Variants in NRXN1 observed in about 807,000 individuals in gnomAD.
The protein encoded by NRXN1 is neurexin 1.
In NRXN1, 39 loss-of-function variants were observed where a neutral mutation model predicts 150.9. The observed-to-expected ratio is 0.26, with a 90% CI of 0.20 to 0.34. The LOEUF is 0.34. Ranked by LOEUF, NRXN1 falls within the 10% of genes least tolerant of loss-of-function variation. The pLI, the probability that NRXN1 is intolerant of heterozygous loss-of-function variation, is 1.00. For missense variants in NRXN1, 1,815 were observed against 1,949.9 expected, an observed-to-expected ratio of 0.93 and a Z score of 1.30; for synonymous variants, 924 against 757.0, an observed-to-expected ratio of 1.22 and a Z score of -3.62.
At position 49,950,631 on chromosome 2, in the gene NRXN1, A is replaced by T. The variant is rs183869920; in HGVS notation, c.4129-6840T>A. Among the ~76,000 whole-genome samples, 23 of 152,130 alleles carry T rather than the reference A, an allele frequency of 1.5e-4. No individual in the cohort carries two copies. In the East Asian group the frequency reaches 4.2e-3, roughly 28 times the overall value. ...CTTTAATACAAATAACAATGAAGTA[A>T]ATTCAAATAGCTTATTTTTCTCGGA... On this transcript the variant is annotated intron_variant, in intron 21 of 22. Coordinates refer to ENST00000401669, the MANE Select transcript of NRXN1 (RefSeq NM_001330078.2).
At chr2:50,426,818 C>T (rs2084535192) in intron 17 of NRXN1, among the ~76,000 whole-genome samples, 1 of 152,098 alleles carries the variant, frequency 6.6e-6, no homozygotes, top group Non-Finnish European at 1.5e-5. Context: ...TTTGTCATGC[C>T]ACCATCATAA....
intron 13 of NRXN1, among the ~76,000 whole-genome samples, chr2:50,500,197 G>T (rs1449698429): frequency 6.6e-6 from 1 of 152,006 alleles, no homozygotes; most frequent in Non-Finnish European, 1.5e-5. Flanking sequence ...AAAGAGGAAA[G>T]ACCAGTTAAT....
At chr2:50,595,710 A>G (rs1334010115) in intron 8 of NRXN1, among the ~76,000 whole-genome samples, 1 of 152,182 alleles carries the variant, frequency 6.6e-6, no homozygotes, top group Non-Finnish European at 1.5e-5. Flanking sequence ...TAATTCTGCC[A>G]TAGAAAGGGA....
At chr2:49,936,627 C>T (rs1671073106) in intron 22 of NRXN1, among the ~76,000 whole-genome samples, 1 of 151,946 alleles carries the variant, frequency 6.6e-6, no homozygotes, top group Non-Finnish European at 1.5e-5. Context: ...TTCCAAAGTC[C>T]TTGCCATAAC....
At chr2:50,128,310 T>C (rs1320644239) in intron 18 of NRXN1, among the ~76,000 whole-genome samples, 2 of 152,190 alleles carry the variant, frequency 1.3e-5, no homozygotes, top group East Asian at 3.9e-4. Context: ...CTTTCGTCCC[T>C]TCGAACCAAC....
chr2:50,962,042 T>C (rs1193782302), intron 2 of NRXN1, among the ~76,000 whole-genome samples: 2 of 151,702 alleles, frequency 1.3e-5, no homozygotes, highest in African/African-American at 2.4e-5. Context: ...CAGAATAAAA[T>C]TGCATTTTAC....
chr2:50,830,373 G>A (rs930982509), intron 5 of NRXN1, among the ~76,000 whole-genome samples: 13 of 151,766 alleles, frequency 8.6e-5, no homozygotes, highest in African/African-American at 1.7e-4. Context: ...TCCACATGCC[G>A]ACATGACACA....
At chr2:50,016,453 C>T (rs1686622419) in intron 21 of NRXN1, 1 of 152,128 alleles carries the variant, frequency 6.6e-6, no homozygotes, top group Admixed American at 6.6e-5. Context: ...AAGGAACTGT[C>T]CGAGACTGGG....
chr2:50,313,639 C>T (rs138425222), intron 17 of NRXN1, among the ~76,000 whole-genome samples: 3 of 152,176 alleles, frequency 2.0e-5, no homozygotes, highest in Non-Finnish European at 2.9e-5. Context: ...AACACCATAC[C>T]GCTACTTCTC....
intron 8 of NRXN1, among the ~76,000 whole-genome samples, chr2:50,579,658 A>C (rs868012569): frequency 6.6e-6 from 1 of 152,148 alleles, no homozygotes; most frequent in Non-Finnish European, 1.5e-5. Context: ...TACAAAAATA[A>C]AAAAATATAT....
chr2:50,818,220 T>C (rs751578125), intron 5 of NRXN1, among the ~76,000 whole-genome samples: 3 of 148,338 alleles, frequency 2.0e-5, no homozygotes, highest in Non-Finnish European at 3.0e-5. Flanking sequence ...GAAAAAAAGA[T>C]ATTAATAGTT....
chr2:50,809,008 G>T (rs1394465300), intron 5 of NRXN1, among the ~76,000 whole-genome samples: 1 of 152,050 alleles, frequency 6.6e-6, no homozygotes, highest in Non-Finnish European at 1.5e-5. Flanking sequence ...AATTCATAAT[G>T]TCTCTGGCCT....
intron 21 of NRXN1, among the ~76,000 whole-genome samples, chr2:50,015,696 A>T (rs6755887): frequency 6.6e-6 from 1 of 151,764 alleles, no homozygotes; most frequent in South Asian, 2.1e-4. Flanking sequence ...GGGTTTGCCT[A>T]TTACCTTAAA....
chr2:50,910,320 C>T (rs1357184724), intron 5 of NRXN1, among the ~76,000 whole-genome samples: 2 of 151,952 alleles, frequency 1.3e-5, no homozygotes, highest in East Asian at 3.9e-4. Context: ...ATTCACTATT[C>T]ACTAGAAATA....
chr2:50,609,510 C>G (rs1231861182), intron 8 of NRXN1, among the ~76,000 whole-genome samples: 2 of 152,064 alleles, frequency 1.3e-5, no homozygotes, highest in African/African-American at 4.8e-5. Context: ...GCACTACTCT[C>G]AGAGCCTCAA....
At chr2:50,482,502 A>T (rs909528404) in intron 15 of NRXN1, among the ~76,000 whole-genome samples, 5 of 151,848 alleles carry the variant, frequency 3.3e-5, no homozygotes, top group Non-Finnish European at 5.9e-5. Context: ...TCCATGTTTC[A>T]TTTTTTTTAC....
intron 19 of NRXN1, among the ~76,000 whole-genome samples, chr2:50,060,278 C>T (rs1162269275): frequency 6.6e-6 from 1 of 152,126 alleles, no homozygotes; most frequent in Non-Finnish European, 1.5e-5. Flanking sequence ...TTGACTGCCC[C>T]ACTGTATTTC....
chr2:50,971,359 C>T (rs895716793), intron 2 of NRXN1, among the ~76,000 whole-genome samples: 4 of 152,032 alleles, frequency 2.6e-5, no homozygotes, highest in South Asian at 2.1e-4. Context: ...CCACAGTGGG[C>T]GGATCACAAG....
At chr2:50,952,650 C>T (rs998054804) in intron 2 of NRXN1, among the ~76,000 whole-genome samples, 1 of 152,256 alleles carries the variant, frequency 6.6e-6, no homozygotes. Flanking sequence ...GAGCAAAGTG[C>T]CTCTGATGAG....
Sources: allele counts gnomAD v4.1 joint callset (sites outside exome capture counted in the v4.1 genomes callset), GRCh38; gene constraint gnomAD v4.1.1; transcripts MANE v1.5; gene names NCBI Gene and HGNC (gene_info 2026-07-23, HGNC 2026-07-21).